Variants in ELAPOR2 observed in about 807,000 individuals in gnomAD.
The protein encoded by ELAPOR2 is endosome-lysosome associated apoptosis and autophagy regulator family member 2, also known as endosome/lysosome-associated apoptosis and autophagy regulator family member 2.
Under a neutral mutation model 120.7 loss-of-function variants are expected in ELAPOR2, and 89 were observed. The observed-to-expected ratio is 0.74, with a 90% CI of 0.62 to 0.88. The LOEUF is 0.88. ELAPOR2 is among the 40% of genes least tolerant of loss of function. The pLI, the probability that ELAPOR2 is intolerant of heterozygous loss-of-function variation, is 0.00. For synonymous variants in ELAPOR2, 444 were observed against 444.9 expected (o/e 1.00, Z 0.03); for missense variants, 1,134 against 1,251.6 (o/e 0.91, Z 1.42).
chr7:86,891,491 G>C (rs904293261), intron 21 of ELAPOR2: 1 of 425,364 alleles, frequency 2.4e-6, no homozygotes, highest in Non-Finnish European at 4.1e-6. Flanking sequence ...CTATCACTTT[G>C]ACAGATGAAA....
Position 86,946,893 on chromosome 7 carries a change from A to T in ELAPOR2, c.506+834T>A, listed in dbSNP as rs550136133. Among the ~76,000 whole-genome samples, 19 of 152,100 alleles carry T rather than the reference A, an allele frequency of 1.2e-4. No homozygotes were observed. In the South Asian group the frequency reaches 3.9e-3, roughly 32 times the overall value. ...AGGAACTCTTTTACTTAAAACACAC[A>T]CTCTCTCAAGGAAATAATCCTATTA... On this transcript the variant is annotated intron_variant, in intron 3 of 21. Transcript: ENST00000450689.
intron 21 of ELAPOR2, among the ~76,000 whole-genome samples, chr7:86,881,236 A>T (rs1394015027): frequency 6.6e-6 from 1 of 152,128 alleles, no homozygotes; most frequent in Non-Finnish European, 1.5e-5. Context: ...TCTCTCTGTC[A>T]CCTAAGCTGG....
chr7:86,993,511 T>C (rs897691691), intron 1 of ELAPOR2, among the ~76,000 whole-genome samples: 5 of 152,166 alleles, frequency 3.3e-5, no homozygotes, highest in African/African-American at 9.7e-5. Flanking sequence ...GAATTAGCCA[T>C]CTAGGTTATT....
intron 8 of ELAPOR2, among the ~76,000 whole-genome samples, chr7:86,935,834 A>G (rs1284066071): frequency 6.6e-6 from 1 of 152,080 alleles, no homozygotes; most frequent in Non-Finnish European, 1.5e-5. Flanking sequence ...AAGCCATTCC[A>G]CATTTTTCAT....
chr7:86,895,702 T>G (rs1368974265), intron 19 of ELAPOR2, among the ~76,000 whole-genome samples: 1 of 152,136 alleles, frequency 6.6e-6, no homozygotes, highest in Non-Finnish European at 1.5e-5. Flanking sequence ...GCAAATTTAC[T>G]GTCTTAACCT....
At chr7:86,883,561 T>C (rs1799526968) in intron 21 of ELAPOR2, among the ~76,000 whole-genome samples, 1 of 152,198 alleles carries the variant, frequency 6.6e-6, no homozygotes, top group Non-Finnish European at 1.5e-5. Context: ...TACTCTGGAA[T>C]ACAAAGGAAT....
chr7:87,027,203 C>T (rs1026327603), intron 1 of ELAPOR2, among the ~76,000 whole-genome samples: 11 of 152,090 alleles, frequency 7.2e-5, no homozygotes, highest in African/African-American at 2.7e-4. Flanking sequence ...GACATAGTTT[C>T]CTTCTACTAG....
chr7:86,960,210 T>G (rs1791648534), intron 2 of ELAPOR2, among the ~76,000 whole-genome samples: 1 of 152,218 alleles, frequency 6.6e-6, no homozygotes. Context: ...GCCTACCTGT[T>G]AGGTCCATTT....
intron 19 of ELAPOR2, among the ~76,000 whole-genome samples, chr7:86,894,877 AAT>A (rs1456845820): frequency 3.3e-5 from 5 of 152,098 alleles, no homozygotes; most frequent in African/African-American, 1.2e-4. Flanking sequence ...AGTAATGCTT[AAT>A]ACACACTTAG....
chr7:87,040,703 C>A (rs1002499746), intron 1 of ELAPOR2, among the ~76,000 whole-genome samples: 4 of 152,202 alleles, frequency 2.6e-5, no homozygotes, highest in Non-Finnish European at 5.9e-5. Flanking sequence ...AAAAGCAGAG[C>A]GCCTCTCCTC....
intron 8 of ELAPOR2, among the ~76,000 whole-genome samples, chr7:86,937,472 G>T (rs921718863): frequency 1.3e-5 from 2 of 152,064 alleles, no homozygotes; most frequent in African/African-American, 4.8e-5. Context: ...ACTGACACAG[G>T]CTGCTGTAGG....
intron 1 of ELAPOR2, among the ~76,000 whole-genome samples, chr7:86,999,208 G>T (rs1793229589): frequency 6.6e-6 from 1 of 152,000 alleles, no homozygotes; most frequent in Admixed American, 6.6e-5. Flanking sequence ...TTTCTAGTGG[G>T]CTACATAATA....
In ELAPOR2 at chr7:86,926,795, T is replaced by A. The variant is rs1369037099; in HGVS notation, c.1211A>T (p.Asn404Ile). 1.2e-6 allele frequency: 2 copies of A among 1,612,110 alleles called. No homozygotes were observed. ...GGGATGGCAAGAAGATGATCCATTG[T>A]TATAAAATCCAGGGTTGCAAGGCGG... ...DCPPCNPGFY[N>I]NGSSSCHPCP... Residue 404 changes from asparagine to isoleucine, a missense_variant, in exon 9 of 22, where the codon AAC (asparagine) becomes ATC (isoleucine). By Grantham distance (149) the Asn-to-Ile change is moderately radical (BLOSUM62 -3). This residue lies in a region of ELAPOR2 where 831 missense variants were observed against 867.6 expected (regional missense o/e 0.96). Transcript: ENST00000450689.
intron 18 of ELAPOR2, among the ~76,000 whole-genome samples, chr7:86,900,802 T>C (rs1458226325): frequency 2.6e-5 from 4 of 152,026 alleles, no homozygotes; most frequent in African/African-American, 4.8e-5. Flanking sequence ...CCAATAATAA[T>C]TTGAACAGCA....
chr7:86,964,850 T>G, intron 2 of ELAPOR2, 54 bp downstream of exon 2: 1 of 1,539,574 alleles, frequency 6.5e-7, no homozygotes, highest in Non-Finnish European at 8.8e-7. Flanking sequence ...AGGGCTAATA[T>G]GAAGAGGTAA....
intron 20 of ELAPOR2, among the ~76,000 whole-genome samples, chr7:86,892,100 C>G (rs929488981): frequency 2.0e-5 from 3 of 151,952 alleles, no homozygotes; most frequent in African/African-American, 7.2e-5. Context: ...TGTCAGAAAT[C>G]AGTTCAATAG....
intron 1 of ELAPOR2, among the ~76,000 whole-genome samples, chr7:86,984,305 G>T (rs1176341167): frequency 2.0e-5 from 3 of 152,190 alleles, no homozygotes; most frequent in Non-Finnish European, 2.9e-5. Flanking sequence ...AGGATATCCA[G>T]GACTTCAACT....
At chr7:87,006,021 T>C (rs1479295227) in intron 1 of ELAPOR2, among the ~76,000 whole-genome samples, 1 of 152,150 alleles carries the variant, frequency 6.6e-6, no homozygotes, top group Non-Finnish European at 1.5e-5. Context: ...AAAACATACT[T>C]CTGGCAAAGA....
At chr7:86,959,202 G>A (rs930286073) in intron 2 of ELAPOR2, among the ~76,000 whole-genome samples, 3 of 152,062 alleles carry the variant, frequency 2.0e-5, no homozygotes, top group Non-Finnish European at 4.4e-5. Context: ...TAGTTCTAAC[G>A]GGTTTTTGTG....
Sources: gnomAD v4.1 joint callset for allele counts (sites outside exome capture counted in the v4.1 genomes callset) on GRCh38, gnomAD v4.1.1 for gene constraint, gnomAD v4.1.1 regional missense constraint, MANE v1.5 for transcripts, NCBI Gene and HGNC (gene_info 2026-07-23, HGNC 2026-07-21) for gene names.